NCOR2: variants seen among roughly 807,000 people sequenced by gnomAD.
NCOR2 encodes CTG repeat protein 26.
In NCOR2, 81 loss-of-function variants were observed where a neutral mutation model predicts 262.9. That is an observed-to-expected ratio of 0.31 (90% CI 0.26 to 0.37). The LOEUF (loss-of-function observed/expected upper bound fraction) is 0.37, where lower values mean the gene tolerates loss of function less well. NCOR2 is among the 10% of genes least tolerant of loss of function. NCOR2 has a pLI of 1.00. For synonymous variants in NCOR2, 1,659 were observed against 1,559.3 expected, an observed-to-expected ratio of 1.06 and a Z score of -1.51; for missense variants, 3,385 against 3,621.4, an observed-to-expected ratio of 0.93 and a Z score of 1.68.
In NCOR2 at chr12:124,493,239, A is replaced by G. The variant is rs77650778; in HGVS notation, c.105+1908T>C. On this transcript the variant is annotated intron_variant, in intron 1 of 46. Transcript: ENST00000405201. ...AGCAGCCTGAGGACTCCCCAAGGCT[A>G]GGAGCCGGGTGAGGGCGGTTGAGAA... Among the ~76,000 whole-genome samples the G allele has an allele frequency of 5.4e-3, 827 of 152,338 alleles. 50 individuals carry two copies. In the East Asian group the frequency reaches 0.12, roughly 22 times the overall value.
chr12:124,458,039 G>A (rs2045972156), intron 5 of NCOR2, among the ~76,000 whole-genome samples: 1 of 152,254 alleles, frequency 6.6e-6, no homozygotes, highest in East Asian at 1.9e-4. Flanking sequence ...AACTGCGTGT[G>A]TGCTGGCAAA....
rs533669988 is a variant in NCOR2 at position 124,502,176 on chromosome 12, C to T, written c.-117-6808G>A. Among the ~76,000 whole-genome samples, 15 of 152,324 alleles carry T rather than the reference C, an allele frequency of 9.8e-5. No homozygotes were observed. In the East Asian group the frequency reaches 2.7e-3, roughly 27 times the overall value. ...GGTGGGACGTGGCAAGGGTGCACCT[C>T]GCCCAGCCCAGTCCAGAGGGGCCCC... On this transcript the variant is annotated intron_variant, in intron 1 of 46. Transcript: ENST00000404621.
At chr12:124,434,384 T>C (rs538800874) in intron 8 of NCOR2, among the ~76,000 whole-genome samples, 12 of 152,274 alleles carry the variant, frequency 7.9e-5, no homozygotes, top group Admixed American at 2.0e-4. Context: ...GTGTTGAATT[T>C]GTTTCCATCC....
chr12:124,498,439 C>T (rs1457633829), upstream of NCOR2, among the ~76,000 whole-genome samples: 1 of 152,196 alleles, frequency 6.6e-6, no homozygotes, highest in African/African-American at 2.4e-5. Context: ...CCCACCAGCC[C>T]CCCACCCAGC....
chr12:124,469,050 A>C (rs2950602), intron 4 of NCOR2, among the ~76,000 whole-genome samples: 149,773 of 149,906 alleles, frequency 1, 74,820 homozygotes, highest in Middle Eastern at 1. Context: ...CTCCTAACAC[A>C]GTTGGAAAGA....
Position 124,482,866 on chromosome 12 carries a change from A to G in NCOR2, c.411+730T>C, listed in dbSNP as rs558004556. Among the ~76,000 whole-genome samples, 1 of 152,288 alleles carries G rather than the reference A, an allele frequency of 6.6e-6. No individual in the cohort carries two copies. Among genetic ancestry groups the G allele is most frequent in the South Asian group, 2.1e-4 (1 of 4,832 alleles). On this transcript the variant is annotated intron_variant, in intron 3 of 46. Coordinates refer to ENST00000405201, the Ensembl canonical transcript of NCOR2. The surrounding 1 kb of genome is among the most constrained non-coding windows in gnomAD (Gnocchi z 6.3). ...TCAACCCACGCTAGCCCAGTGCCACACGGTGGCCCAAGGAGCAGCCAGACT... is the reference window on the plus strand; with the variant it reads ...TCAACCCACGCTAGCCCAGTGCCACGCGGTGGCCCAAGGAGCAGCCAGACT...
intron 1 of NCOR2, among the ~76,000 whole-genome samples, chr12:124,530,728 C>T (rs1461233779): frequency 1.3e-5 from 2 of 152,152 alleles, no homozygotes; most frequent in Non-Finnish European, 2.9e-5. Context: ...CCTCAGTCTC[C>T]CCCTCTACAA....
At chr12:124,556,997 T>C (rs2051904868) in intron 1 of NCOR2, among the ~76,000 whole-genome samples, 1 of 152,202 alleles carries the variant, frequency 6.6e-6, no homozygotes, top group Non-Finnish European at 1.5e-5. Context: ...GAGGCCGGTG[T>C]GGCTGAGACA....
At chr12:124,564,877 C>T (rs1252883040) in intron 1 of NCOR2, among the ~76,000 whole-genome samples, 1 of 151,696 alleles carries the variant, frequency 6.6e-6, no homozygotes, top group Non-Finnish European at 1.5e-5. Flanking sequence ...GCTTCCAACT[C>T]CCTCGGTGGG....
chr12:124,340,587 G>T lies in NCOR2; in HGVS notation c.5338+15C>A. The T allele has an allele frequency of 6.6e-7, 1 of 1,505,336 alleles. No individual in the cohort carries two copies. 93.2% of individuals were successfully genotyped at this position (1,505,336 alleles called of 1,614,324 possible). A position where few individuals can be genotyped will look rare whatever the true frequency, so the allele number is the denominator to read the frequency against. On this transcript the variant is annotated intron_variant, in intron 35 of 46. Transcript: ENST00000405201. ...GATGCCGGGGTCCCCACCCCAGACT[G>T]GGCAGTGGCGCTACCTGGGGAGAGT...
chr12:124,477,784 G>C (rs924117456), intron 3 of NCOR2, among the ~76,000 whole-genome samples: 1 of 152,174 alleles, frequency 6.6e-6, no homozygotes, highest in Non-Finnish European at 1.5e-5. Context: ...AAGCTGCAGG[G>C]AACAAAACAA....
In NCOR2 at chr12:124,503,129, C is replaced by T. The variant is rs1036474892; in HGVS notation, c.-117-7761G>A. Among the ~76,000 whole-genome samples the T allele has an allele frequency of 6.6e-6, 1 of 152,240 alleles. No individual in the cohort carries two copies. Among genetic ancestry groups the T allele is most frequent in the African/African-American group, 2.4e-5 (1 of 41,464 alleles). ...TCCAGCTGAGACCAGGCAAGCCAAA[C>T]CCATCCCAAACTCCGGTTGCTGACC... On this transcript the variant is annotated intron_variant, in intron 1 of 46. Transcript: ENST00000404621. The surrounding 1 kb of genome is among the most constrained non-coding windows in gnomAD (Gnocchi z 4.3).
rs953376447 is a variant in NCOR2 at position 124,531,179 on chromosome 12, C to A, written c.-118+4386G>T. On this transcript the variant is annotated intron_variant, in intron 1 of 46. Coordinates refer to the NCOR2 transcript ENST00000404621. The surrounding 1 kb of genome is among the most constrained non-coding windows in gnomAD (Gnocchi z 4.5). The stretch of plus-strand genomic sequence containing the variant: ...AGGACGTCTGGGAGGCATCCACCAA[C>A]TCATGCTGAACAACAGTCCAGCCAG... Among the ~76,000 whole-genome samples the A allele has an allele frequency of 5.9e-5, 9 of 152,198 alleles. No homozygotes were observed. The highest frequency in any genetic ancestry group is 2.2e-4 in the African/African-American group (9 of 41,462).
intron 7 of NCOR2, among the ~76,000 whole-genome samples, chr12:124,444,327 C>T (rs533126808): frequency 5.9e-5 from 9 of 152,166 alleles, no homozygotes; most frequent in African/African-American, 2.2e-4. Context: ...TAAAAACACA[C>T]ACCCTATAAG....
chr12:124,429,534 T>C, intron 10 of NCOR2, 79 bp downstream of exon 12: 4 of 1,462,316 alleles, frequency 2.7e-6, no homozygotes, highest in Non-Finnish European at 3.7e-6. Flanking sequence ...CGGGAGGTGG[T>C]TTCTGGCTAG....
intron 13 of NCOR2, among the ~76,000 whole-genome samples, chr12:124,411,273 CAGAGAG>C (rs746631858): frequency 1.3e-3 from 201 of 151,276 alleles, no homozygotes; most frequent in African/African-American, 4.6e-3. Flanking sequence ...CATACACACA[CAGAGAG>C]AGAGAGAGAG....
At chr12:124,449,621 C>T (rs1234148550) in intron 7 of NCOR2, among the ~76,000 whole-genome samples, 194 bp downstream of exon 9, 1 of 151,856 alleles carries the variant, frequency 6.6e-6, no homozygotes, top group Non-Finnish European at 1.5e-5. Context: ...CTCAGGGGGA[C>T]ACTCTCTCTG....
intron 13 of NCOR2, among the ~76,000 whole-genome samples, chr12:124,413,630 C>T (rs2042708387): frequency 6.6e-6 from 1 of 152,166 alleles, no homozygotes; most frequent in Admixed American, 6.5e-5. Context: ...GCACCACAGC[C>T]TCTCTGCGGC....
intron 1 of NCOR2, among the ~76,000 whole-genome samples, chr12:124,546,969 T>C (rs1448657461): frequency 6.6e-6 from 1 of 151,986 alleles, no homozygotes; most frequent in Non-Finnish European, 1.5e-5. Flanking sequence ...ACCGTTAACA[T>C]TGTCTTTTTA....
Sources: allele counts gnomAD v4.1 joint callset (sites outside exome capture counted in the v4.1 genomes callset), GRCh38; gene constraint gnomAD v4.1.1; non-coding constraint Gnocchi (gnomAD v3.1); transcripts MANE v1.5; gene names NCBI Gene and HGNC (gene_info 2026-07-23, HGNC 2026-07-21).